BPGM: variants seen among roughly 807,000 people sequenced by gnomAD.
BPGM encodes bisphosphoglycerate mutase, also known as 2,3-bisphosphoglycerate mutase, erythrocyte.
A neutral mutation model predicts 21.6 loss-of-function variants in BPGM; 15 were observed. The observed-to-expected ratio is 0.70, with a 90% CI of 0.47 to 1.07. The LOEUF (loss-of-function observed/expected upper bound fraction) is 1.07. Ranked by LOEUF, BPGM falls within the 50% of genes least tolerant of loss-of-function variation. The probability of loss-of-function intolerance (pLI) is 0.00; values close to 1 mark genes in which losing one functional copy is unlikely to be tolerated. For synonymous variants in BPGM, 113 were observed against 116.2 expected (o/e 0.97, Z 0.18); for missense variants, 273 against 319.0 (o/e 0.86, Z 1.10).
chr7:134,655,024 A>G (rs1015912648), intron 1 of BPGM, among the ~76,000 whole-genome samples: 5 of 152,256 alleles, frequency 3.3e-5, no homozygotes, highest in African/African-American at 1.2e-4. Flanking sequence ...GGATAAATCA[A>G]TAACCTATGT....
In BPGM at chr7:134,678,887, T is replaced by A. The variant is rs759435640; in HGVS notation, c.636T>A (p.Leu212=). 6.8e-6 allele frequency: 11 copies of A among 1,614,068 alleles called. No homozygotes were observed. In the South Asian group the frequency reaches 1.2e-4, roughly 18 times the overall value. Residue 212 remains leucine, a synonymous_variant, in exon 3 of 3, where the codon CTT becomes CTA. Coordinates refer to ENST00000344924, the MANE Select transcript of BPGM (RefSeq NM_001724.5). ...ATGAAGACATCATCAACATTACTCT[T>A]CCTACTGGAGTCCCCATTCTTCTGG... The part of the protein sequence containing the change: ...ISDEDIINIT[L]PTGVPILLEL...
At chr7:134,656,218 A>G (rs1562967395) in intron 1 of BPGM, among the ~76,000 whole-genome samples, 1 of 152,198 alleles carries the variant, frequency 6.6e-6, no homozygotes, top group Non-Finnish European at 1.5e-5. Context: ...AGGAACTAAC[A>G]TTTAAGCTGA....
At chr7:134,668,402 A>G (rs529727757) in intron 2 of BPGM, among the ~76,000 whole-genome samples, 3 of 152,342 alleles carry the variant, frequency 2.0e-5, no homozygotes, top group East Asian at 3.9e-4. Flanking sequence ...AGCTGAGTCA[A>G]GAACATCCAT....
intron 2 of BPGM, among the ~76,000 whole-genome samples, chr7:134,676,299 C>T (rs1397070432): frequency 6.6e-6 from 1 of 152,310 alleles, no homozygotes; most frequent in Middle Eastern, 3.4e-3. Context: ...CAAAGGCACA[C>T]ATCTATGAGT....
At chr7:134,663,574 A>G (rs1014701646) in intron 2 of BPGM, among the ~76,000 whole-genome samples, 8 of 152,354 alleles carry the variant, frequency 5.3e-5, no homozygotes, top group Admixed American at 1.3e-4. Flanking sequence ...CTAGACAACA[A>G]CAAACTGAAA....
At position 134,662,059 on chromosome 7, in the gene BPGM, G is replaced by T; in HGVS notation, c.552G>T (p.Leu184=). 1 of 1,614,098 alleles carries T rather than the reference G, an allele frequency of 6.2e-7. No individual in the cohort carries two copies. Among genetic ancestry groups the T allele is most frequent in the Admixed American group, 1.7e-5 (1 of 59,996 alleles). The change falls in exon 2 of 3, where the codon CTG becomes CTT. Residue 184 remains leucine, a synonymous_variant. Coordinates refer to ENST00000344924, the MANE Select transcript of BPGM (RefSeq NM_001724.5). ...AAGTATTACGTGGCAAAACCATTCT[G>T]ATATCTGCTCATGGAAATAGCAGTA... ...APEVLRGKTI[L]ISAHGNSSRA...
At chr7:134,658,345 CA>C (rs1386585195) in intron 1 of BPGM, 2 of 152,070 alleles carry the variant, frequency 1.3e-5, no homozygotes, top group Non-Finnish European at 2.9e-5. Flanking sequence ...TTTTGTTTTC[CA>C]GAAAAGTTCT....
intron 1 of BPGM, among the ~76,000 whole-genome samples, chr7:134,653,635 A>G (rs778807103): frequency 1.3e-5 from 2 of 152,124 alleles, no homozygotes; most frequent in Admixed American, 6.6e-5. Context: ...TACAGTGGCC[A>G]TATAATTTTC....
At chr7:134,672,227 T>G (rs952254441) in intron 2 of BPGM, among the ~76,000 whole-genome samples, 2 of 152,024 alleles carry the variant, frequency 1.3e-5, no homozygotes, top group Non-Finnish European at 2.9e-5. Context: ...ACATGAAGAT[T>G]CGATACTTAA....
chr7:134,677,401 A>G (rs1795998413), intron 2 of BPGM, among the ~76,000 whole-genome samples: 1 of 152,178 alleles, frequency 6.6e-6, no homozygotes, highest in Admixed American at 6.5e-5. Flanking sequence ...CTTCTGAGTT[A>G]AGATCCTTTC....
intron 1 of BPGM, among the ~76,000 whole-genome samples, chr7:134,654,037 G>A (rs570108000): frequency 4.0e-5 from 6 of 151,896 alleles, no homozygotes; most frequent in Non-Finnish European, 7.4e-5. Flanking sequence ...CTGTGTCCAC[G>A]AAGCCTTACT....
chr7:134,676,335 T>C lies in BPGM; in HGVS notation c.602-2518T>C, dbSNP rs557817767. ...GGTGAATCCAAGATGCTGATAGATA[T>C]ATACACTCATAGTTTCTACTTCTGG... is the stretch of plus-strand genomic sequence containing the variant. On this transcript the variant is annotated intron_variant, in intron 2 of 2. Coordinates refer to ENST00000344924, the MANE Select transcript of BPGM (RefSeq NM_001724.5). Among the ~76,000 whole-genome samples, 16 of 152,370 alleles carry C rather than the reference T, an allele frequency of 1.1e-4. 1 individual carries two copies. Among genetic ancestry groups the C allele is most frequent in the South Asian group, 6.2e-4 (3 of 4,828 alleles).
chr7:134,665,308 T>A (rs1795799037), intron 2 of BPGM, among the ~76,000 whole-genome samples: 1 of 28,376 alleles, frequency 3.5e-5, no homozygotes, highest in African/African-American at 3.0e-4. Context: ...GTTCATATCC[T>A]TTGTAGGGAC....
chr7:134,657,738 C>T (rs1008044623), intron 1 of BPGM, among the ~76,000 whole-genome samples: 4 of 152,046 alleles, frequency 2.6e-5, no homozygotes, highest in African/African-American at 9.7e-5. Context: ...AGTTTGAGGA[C>T]AGAGCTAGGA....
At chr7:134,659,666 C>T (rs1455620119) in intron 1 of BPGM, among the ~76,000 whole-genome samples, 1 of 152,160 alleles carries the variant, frequency 6.6e-6, no homozygotes, top group Non-Finnish European at 1.5e-5. Context: ...GGTTCCCTGG[C>T]ACTTCCCTGC....
intron 1 of BPGM, among the ~76,000 whole-genome samples, chr7:134,657,459 T>C (rs1337976381): frequency 1.3e-5 from 2 of 152,184 alleles, no homozygotes; most frequent in East Asian, 3.8e-4. Flanking sequence ...AGGAGTTTAA[T>C]TGTTAGTTTG....
chr7:134,662,137 G>T, intron 2 of BPGM, 29 bp downstream of exon 2: 2 of 1,613,332 alleles, frequency 1.2e-6, no homozygotes, highest in South Asian at 1.1e-5. Flanking sequence ...ACTTATTAGA[G>T]GTTGCCAAGT....
chr7:134,671,640 G>A (rs1222197616), intron 2 of BPGM, among the ~76,000 whole-genome samples: 3 of 152,024 alleles, frequency 2.0e-5, no homozygotes, highest in Non-Finnish European at 2.9e-5. Context: ...CTGGGATTAT[G>A]GGCATGAGCC....
chr7:134,661,861 C>G lies in BPGM; in HGVS notation c.354C>G (p.Ser118Arg), dbSNP rs1410882719. Residue 118 changes from serine (S) to arginine (R), a missense_variant, in exon 2 of 3, where the codon AGC (serine) becomes AGG (arginine). Physicochemically the swap from Ser to Arg is moderately radical, Grantham distance 110. Coordinates refer to ENST00000344924, the MANE Select transcript of BPGM (RefSeq NM_001724.5). This position sits in a 1 kb window ranked among gnomAD's most constrained non-coding sequence, Gnocchi z 4.6. ...AACAAGTGAGGCTCTGGAGAAGAAG[C>G]TACAATGTAACCCCGCCTCCCATTG... is the stretch of plus-strand genomic sequence containing the variant. ...GEEQVRLWRR[S>R]YNVTPPPIEE... The G allele has an allele frequency of 2.5e-6, 4 of 1,607,436 alleles. No individual in the cohort carries two copies. Among genetic ancestry groups the G allele is most frequent in the Non-Finnish European group, 2.6e-6 (3 of 1,176,004 alleles).
Sources: gnomAD v4.1 joint callset for allele counts (sites outside exome capture counted in the v4.1 genomes callset) on GRCh38, gnomAD v4.1.1 for gene constraint, Gnocchi (gnomAD v3.1) non-coding constraint, MANE v1.5 for transcripts, NCBI Gene and HGNC (gene_info 2026-07-23, HGNC 2026-07-21) for gene names.